Variants in MAPT observed in about 807,000 individuals in gnomAD.
MAPT encodes the protein microtubule-associated protein tau.
MAPT carries 34 observed loss-of-function variants against 67.9 expected under a neutral mutation model. The observed-to-expected ratio is 0.50, with a 90% CI of 0.38 to 0.67. The LOEUF (loss-of-function observed/expected upper bound fraction) is 0.67. Ranked by LOEUF, MAPT falls within the 30% of genes least tolerant of loss-of-function variation. The pLI is 0.00. For synonymous variants in MAPT, 456 were observed against 464.5 expected (o/e 0.98, Z 0.23); for missense variants, 881 against 1,115.2 (o/e 0.79, Z 2.99).
intron 1 of MAPT, among the ~76,000 whole-genome samples, chr17:45,905,183 A>G (rs1597858096): frequency 6.6e-6 from 1 of 152,234 alleles, no homozygotes; most frequent in East Asian, 1.9e-4. Context: ...ATCCGCTTGA[A>G]TAATGAAGTG....
chr17:45,974,308 C>T (rs1304743535), intron 3 of MAPT: 4 of 1,048,578 alleles, frequency 3.8e-6, no homozygotes, highest in Non-Finnish European at 5.8e-6. Flanking sequence ...CTGCATTGCT[C>T]CTGCGCAAGA....
At chr17:45,984,977 C>T (rs1379763934) in intron 5 of MAPT, among the ~76,000 whole-genome samples, 1 of 152,200 alleles carries the variant, frequency 6.6e-6, no homozygotes, top group Non-Finnish European at 1.5e-5. Context: ...TTAGGGAAAA[C>T]TTTGAAATGC....
chr17:45,978,466 T>C (rs1209089454), intron 4 of MAPT, 26 bp downstream of exon 4: 1 of 1,573,270 alleles, frequency 6.4e-7, no homozygotes, highest in African/African-American at 1.4e-5. Context: ...TTGCCTGCCA[T>C]GACTTGGGGG....
chr17:46,021,935 C>G (rs2076552628), intron 12 of MAPT, among the ~76,000 whole-genome samples: 1 of 152,214 alleles, frequency 6.6e-6, no homozygotes, highest in Admixed American at 6.5e-5. Context: ...GGGCACACCA[C>G]CAGCCTCCTG....
In MAPT at chr17:45,962,480, C is replaced by T. The variant is rs532048346; in HGVS notation, c.133+10C>T. ...GACGCTGGCCTGAAAGGTTAGTGGA[C>T]AGCCATGCACAGCAGGCCCAGATCA... is the stretch of plus-strand genomic sequence containing the variant. On this transcript the variant is annotated intron_variant, in intron 2 of 12. Coordinates refer to ENST00000262410, the MANE Select transcript of MAPT (RefSeq NM_001377265.1). The T allele has an allele frequency of 6.2e-7, 1 of 1,612,208 alleles. No homozygotes were observed. Among genetic ancestry groups the T allele is most frequent in the Admixed American group, 1.7e-5 (1 of 59,944 alleles).
chr17:45,994,595 G>A (rs1253305304), intron 8 of MAPT, among the ~76,000 whole-genome samples: 3 of 152,302 alleles, frequency 2.0e-5, no homozygotes, highest in Admixed American at 6.5e-5. Flanking sequence ...GGTTGAGGTG[G>A]GAGAATCGCT....
intron 2 of MAPT, among the ~76,000 whole-genome samples, chr17:45,970,685 G>A (rs1420434666): frequency 6.6e-6 from 1 of 152,228 alleles, no homozygotes; most frequent in Non-Finnish European, 1.5e-5. Flanking sequence ...GGAAACGGAG[G>A]CCCTGAGAGG....
In MAPT at chr17:46,010,991, C is replaced by T. The variant is rs1386953673; in HGVS notation, c.2091+589C>T. On this transcript the variant is annotated intron_variant, in intron 10 of 12. Transcript: ENST00000262410. The surrounding 1 kb of genome is among the most constrained non-coding windows in gnomAD (Gnocchi z 4.7). The stretch of plus-strand genomic sequence containing the variant: ...AAGCCTCCAGCTTATGCTTAGCCTG[C>T]GCCACCCTCTGGCAGAGACTCCAGA... Among the ~76,000 whole-genome samples the T allele has an allele frequency of 2.6e-5, 4 of 152,250 alleles. No homozygotes were observed. Among genetic ancestry groups the T allele is most frequent in the African/African-American group, 7.2e-5 (3 of 41,466 alleles).
Position 45,956,726 on chromosome 17 carries a change from C to T in MAPT, c.-17-5595C>T, listed in dbSNP as rs551170279. Among the ~76,000 whole-genome samples the T allele has an allele frequency of 4.5e-3, 686 of 151,676 alleles. 1 individual carries two copies. The highest frequency in any genetic ancestry group is 0.015 in the African/African-American group (630 of 41,270). On this transcript the variant is annotated intron_variant, in intron 1 of 12. Coordinates refer to ENST00000262410, the MANE Select transcript of MAPT (RefSeq NM_001377265.1). ...TTCATCATTTACATTAGGTATATCTCCTAATGCTATCCCTCCCCACTCCCC... is the reference window on the plus strand; with the variant it reads ...TTCATCATTTACATTAGGTATATCTTCTAATGCTATCCCTCCCCACTCCCC...
At chr17:45,984,058 A>C in intron 5 of MAPT, 128 bp downstream of exon 5, 6 of 792,074 alleles carry the variant, frequency 7.6e-6, no homozygotes, top group Non-Finnish European at 1.2e-5. Context: ...ACGCCACTAA[A>C]TCGACACCTG....
chr17:46,027,524 T>C lies in MAPT; in HGVS notation c.*3353T>C, dbSNP rs866595581. ...TGGTGAGACTGTATCCTGTTTGCTATTGCTTGTTGTGCTATGGGGGGAGGG... is the reference window on the plus strand; with the variant it reads ...TGGTGAGACTGTATCCTGTTTGCTACTGCTTGTTGTGCTATGGGGGGAGGG... On this transcript the variant is annotated 3_prime_UTR_variant, in exon 13 of 13. Transcript: ENST00000262410. The C allele has an allele frequency of 3.0e-4, 45 of 152,316 alleles. No individual in the cohort carries two copies. Among genetic ancestry groups the C allele is most frequent in the African/African-American group, 1.0e-3 (43 of 41,436 alleles). The allele number at this position is 152,316 out of a possible 1,614,324, so 9.4% of individuals were successfully genotyped here.
intron 9 of MAPT, among the ~76,000 whole-genome samples, chr17:46,001,638 G>A (rs575065579): frequency 3.5e-4 from 54 of 152,276 alleles, no homozygotes; most frequent in Middle Eastern, 3.4e-3. Flanking sequence ...ACCCTAGCCT[G>A]GGCAACACAG....
chr17:46,003,862 C>T (rs2075222256), intron 9 of MAPT, among the ~76,000 whole-genome samples: 1 of 152,112 alleles, frequency 6.6e-6, no homozygotes, highest in Admixed American at 6.6e-5. Context: ...CTGTGTGAAT[C>T]AAATCATTTT....
chr17:45,932,458 T>C (rs1389054163), intron 1 of MAPT, among the ~76,000 whole-genome samples: 1 of 151,338 alleles, frequency 6.6e-6, no homozygotes, highest in East Asian at 2.0e-4. Flanking sequence ...GGCATGATGG[T>C]GGGTGCCTGT....
In MAPT at chr17:45,983,436, G is replaced by T. The variant is rs991707258; in HGVS notation, c.857G>T (p.Arg286Met). ...CTGAAGGGGGCAGGGGGCAAAGAGA[G>T]GCCGGGGAGCAAGGAGGAGGTGGAT... ...PPLKGAGGKE[R>M]PGSKEEVDED... Residue 286 changes from arginine to methionine, a missense_variant, in exon 5 of 13, where the codon AGG (arginine) becomes ATG (methionine). Arg to Met is a moderately conservative substitution (Grantham distance 91). This residue lies in a region of MAPT where 687 missense variants were observed against 766.1 expected (regional missense o/e 0.90). Coordinates refer to ENST00000262410, the MANE Select transcript of MAPT (RefSeq NM_001377265.1). The T allele has an allele frequency of 1.9e-6, 3 of 1,606,702 alleles. No homozygotes were observed. Among genetic ancestry groups the T allele is most frequent in the African/African-American group, 1.3e-5 (1 of 74,750 alleles).
chr17:45,934,637 G>A (rs1028832665), intron 1 of MAPT, among the ~76,000 whole-genome samples: 4 of 152,146 alleles, frequency 2.6e-5, no homozygotes, highest in African/African-American at 7.2e-5. Flanking sequence ...GTGGACTTGC[G>A]CACGTAACCA....
chr17:46,017,833 G>T (rs1031710762), intron 11 of MAPT, among the ~76,000 whole-genome samples: 5 of 150,330 alleles, frequency 3.3e-5, no homozygotes, highest in African/African-American at 1.2e-4. Flanking sequence ...TGGTTTACAG[G>T]ATGTTGATAT....
At chr17:46,000,679 G>T (rs2074927749) in intron 9 of MAPT, among the ~76,000 whole-genome samples, 1 of 152,170 alleles carries the variant, frequency 6.6e-6, no homozygotes, top group Non-Finnish European at 1.5e-5. Context: ...AGTGGCCCTG[G>T]GTTCTTACTG....
At chr17:45,910,471 C>T (rs2144123024) in intron 1 of MAPT, among the ~76,000 whole-genome samples, 1 of 152,072 alleles carries the variant, frequency 6.6e-6, no homozygotes, top group African/African-American at 2.4e-5. Flanking sequence ...TGGTCTTCCC[C>T]CTAGCTTTCC....
Sources: gnomAD v4.1 joint callset for allele counts (sites outside exome capture counted in the v4.1 genomes callset) on GRCh38, gnomAD v4.1.1 for gene constraint, gnomAD v4.1.1 regional missense constraint, Gnocchi (gnomAD v3.1) non-coding constraint, MANE v1.5 for transcripts, NCBI Gene and HGNC (gene_info 2026-07-23, HGNC 2026-07-21) for gene names.